The following KAZN variants were observed in gnomAD, a reference collection of about 807,000 sequenced individuals.
KAZN encodes kazrin, periplakin interacting protein, also known as kazrin.
KAZN carries 40 observed loss-of-function variants against 87.4 expected under a neutral mutation model. The ratio of observed to expected loss-of-function variants is 0.46; its 90% confidence interval spans 0.36 to 0.60. KAZN has a LOEUF of 0.60. Ranked by LOEUF, KAZN falls within the 20% of genes least tolerant of loss-of-function variation. The pLI, the probability that KAZN is intolerant of heterozygous loss-of-function variation, is 0.00. For synonymous variants in KAZN, 466 were observed against 458.3 expected, an observed-to-expected ratio of 1.02 and a Z score of -0.22; for missense variants, 898 against 1,073.9, an observed-to-expected ratio of 0.84 and a Z score of 2.29.
chr1:14,125,529 A>C (rs776149377), intron 1 of KAZN, among the ~76,000 whole-genome samples: 13 of 152,156 alleles, frequency 8.5e-5, no homozygotes, highest in Non-Finnish European at 1.8e-4. Context: ...GGCAATGTGA[A>C]GACAGAGGCA....
At chr1:14,943,054 G>A (rs1273128828) in intron 1 of KAZN, among the ~76,000 whole-genome samples, 2 of 134,842 alleles carry the variant, frequency 1.5e-5, no homozygotes, top group African/African-American at 6.9e-5. Context: ...GTGTGTGTTG[G>A]GGAGGAGAGC....
intron 2 of KAZN, among the ~76,000 whole-genome samples, chr1:14,291,078 C>A (rs1475258522): frequency 6.6e-6 from 1 of 152,180 alleles, no homozygotes; most frequent in East Asian, 1.9e-4. Context: ...GAGCACCTCC[C>A]TGTATGAGGT....
intron 1 of KAZN, among the ~76,000 whole-genome samples, chr1:14,736,322 G>C (rs1298530302): frequency 6.9e-6 from 1 of 144,382 alleles, no homozygotes; most frequent in South Asian, 2.2e-4. Context: ...TTTTGAGACG[G>C]AGTTTTGCTC....
chr1:14,781,224 A>T (rs1180952503), intron 1 of KAZN, among the ~76,000 whole-genome samples: 1 of 152,358 alleles, frequency 6.6e-6, no homozygotes, highest in East Asian at 1.9e-4. Flanking sequence ...CGGGAGGCTG[A>T]GGCAGGAGAA....
chr1:14,431,283 A>G (rs1307871463), intron 2 of KAZN, among the ~76,000 whole-genome samples: 1 of 152,188 alleles, frequency 6.6e-6, no homozygotes. Context: ...AGAGATGGGC[A>G]TTTGGGGATC....
chr1:14,221,925 G>A (rs1647109154), intron 2 of KAZN: 1 of 152,100 alleles, frequency 6.6e-6, no homozygotes, highest in South Asian at 2.1e-4. Flanking sequence ...TTGATGAAAG[G>A]GAAGGTAGAT....
At chr1:14,204,897 T>C (rs1327488257) in intron 2 of KAZN, among the ~76,000 whole-genome samples, 1 of 152,240 alleles carries the variant, frequency 6.6e-6, no homozygotes, top group Non-Finnish European at 1.5e-5. Flanking sequence ...TACTAGGGAA[T>C]GCTAACTGCT....
At chr1:14,952,961 A>G (rs1031300272) in intron 1 of KAZN, among the ~76,000 whole-genome samples, 1 of 151,980 alleles carries the variant, frequency 6.6e-6, no homozygotes, top group Non-Finnish European at 1.5e-5. Flanking sequence ...TTCAGATAAG[A>G]GATCAGAGGT....
chr1:13,929,178 C>T (rs1640406972), intron 1 of KAZN, among the ~76,000 whole-genome samples: 3 of 151,520 alleles, frequency 2.0e-5, no homozygotes, highest in Non-Finnish European at 2.9e-5. Context: ...CCTCAGCCTC[C>T]CAAGGAGCTG....
In KAZN at chr1:14,994,002, C is replaced by T. The variant is rs560284131; in HGVS notation, c.418+33127C>T. 9.9e-4 allele frequency among the ~76,000 whole-genome samples: 150 copies of T among 152,258 alleles called. 1 individual carries two copies. Among genetic ancestry groups the T allele is most frequent in the Non-Finnish European group, 1.3e-3 (87 of 68,010 alleles). On this transcript the variant is annotated intron_variant, in intron 2 of 14. Transcript: ENST00000376030. ...GTTTAATGCGTCCTCCCAGGTGCGA[C>T]GTAGAGCTCTTAGGCATGGTCGCCT... is the stretch of plus-strand genomic sequence containing the variant.
chr1:14,156,185 T>C (rs1023742387), intron 1 of KAZN, among the ~76,000 whole-genome samples: 4 of 152,206 alleles, frequency 2.6e-5, no homozygotes, highest in Admixed American at 6.5e-5. Context: ...TTTTATTCCA[T>C]TGTGGTCAGA....
At chr1:14,761,122 C>T (rs1432003407) in intron 1 of KAZN, among the ~76,000 whole-genome samples, 1 of 152,186 alleles carries the variant, frequency 6.6e-6, no homozygotes, top group African/African-American at 2.4e-5. Context: ...ACTCCTCTCC[C>T]CAGTCATTTG....
At chr1:14,395,413 C>T (rs1327479177) in intron 2 of KAZN, among the ~76,000 whole-genome samples, 1 of 152,032 alleles carries the variant, frequency 6.6e-6, no homozygotes, top group Non-Finnish European at 1.5e-5. Context: ...CTTAAAAAGG[C>T]GTAGGTGCAT....
chr1:13,902,851 T>G (rs1919406), intron 1 of KAZN, among the ~76,000 whole-genome samples: 3,953 of 152,280 alleles, frequency 0.026, 149 homozygotes, highest in African/African-American at 0.09. Flanking sequence ...GTAAATAAAT[T>G]GAGGAAAAAG....
chr1:14,975,120 G>A (rs1454008392), intron 2 of KAZN, among the ~76,000 whole-genome samples: 1 of 152,188 alleles, frequency 6.6e-6, no homozygotes, highest in Non-Finnish European at 1.5e-5. Context: ...GCCCCAGATG[G>A]GCAGAGTCCT....
intron 1 of KAZN, among the ~76,000 whole-genome samples, chr1:14,627,660 T>G (rs568782808): frequency 6.6e-6 from 1 of 152,106 alleles, no homozygotes; most frequent in East Asian, 1.9e-4. Context: ...AATAAATATA[T>G]GTTCAATGAC....
intron 1 of KAZN, among the ~76,000 whole-genome samples, chr1:14,904,391 G>T (rs1461870139): frequency 6.6e-6 from 1 of 151,966 alleles, no homozygotes; most frequent in Non-Finnish European, 1.5e-5. Flanking sequence ...TAAAAATCTG[G>T]CACATGGTAG....
intron 2 of KAZN, among the ~76,000 whole-genome samples, chr1:14,366,059 G>A (rs1287918493): frequency 6.6e-6 from 1 of 152,164 alleles, no homozygotes; most frequent in Non-Finnish European, 1.5e-5. Context: ...TAATAAAAAG[G>A]AAAATCGATT....
intron 8 of KAZN, among the ~76,000 whole-genome samples, chr1:15,082,518 C>T (rs1399341201): frequency 6.6e-6 from 1 of 152,172 alleles, no homozygotes; most frequent in East Asian, 1.9e-4. Context: ...AATTAAAATG[C>T]TAGAGCACTA....
Sources: gnomAD v4.1 joint callset for allele counts (sites outside exome capture counted in the v4.1 genomes callset) on GRCh38, gnomAD v4.1.1 for gene constraint, MANE v1.5 for transcripts, NCBI Gene and HGNC (gene_info 2026-07-23, HGNC 2026-07-21) for gene names.